Variants in ZNHIT1 observed in about 807,000 individuals in gnomAD.
The protein encoded by ZNHIT1 is zinc finger HIT domain-containing protein 1.
Under a neutral mutation model 21.4 loss-of-function variants are expected in ZNHIT1, and 20 were observed. That is an observed-to-expected ratio of 0.93 (90% CI 0.66 to 1.36). ZNHIT1 has a LOEUF of 1.36. ZNHIT1 is among the 40% of genes most tolerant of loss of function. The pLI, the probability that ZNHIT1 is intolerant of heterozygous loss-of-function variation, is 0.00. For synonymous variants in ZNHIT1, 79 were observed against 84.0 expected, an observed-to-expected ratio of 0.94 and a Z score of 0.32; for missense variants, 170 against 213.5, an observed-to-expected ratio of 0.80 and a Z score of 1.27.
chr7:101,222,577 T>A, intron 1 of ZNHIT1, 27 bp from the exon 2 acceptor site: 1 of 1,596,218 alleles, frequency 6.3e-7, no homozygotes, highest in Non-Finnish European at 8.5e-7. Flanking sequence ...GGAAGCCCTG[T>A]AACTTTGCGT....
In ZNHIT1 at chr7:101,223,997, G is replaced by T. The variant is rs762905700; in HGVS notation, c.*39G>T. 1.2e-6 allele frequency: 2 copies of T among 1,613,898 alleles called. No individual in the cohort carries two copies. The highest frequency in any genetic ancestry group is 2.7e-5 in the African/African-American group (2 of 74,914). On this transcript the variant is annotated 3_prime_UTR_variant, in exon 5 of 5. Coordinates refer to ENST00000305105, the MANE Select transcript of ZNHIT1 (RefSeq NM_006349.3). Reference sequence around the variant, plus strand: ...CAGAGAGGAAGGGCCGCTGTGCACTGCCCGGCCTTCAGAAAGACAGAATTT... The same window carrying T: ...CAGAGAGGAAGGGCCGCTGTGCACTTCCCGGCCTTCAGAAAGACAGAATTT...
chr7:101,223,426 C>G (rs962844729), intron 2 of ZNHIT1, 51 bp from the exon 3 acceptor site: 2 of 1,587,972 alleles, frequency 1.3e-6, no homozygotes, highest in Non-Finnish European at 1.7e-6. Context: ...CCAGAGAAAG[C>G]TGCTGTCTTT....
At chr7:101,223,915 C>T in intron 4 of ZNHIT1, 22 bp from the exon 5 acceptor site, 2 of 1,614,178 alleles carry the variant, frequency 1.2e-6, no homozygotes, top group South Asian at 2.2e-5. Flanking sequence ...TCCCCTCATC[C>T]TGGCTTCCCC....
intron 1 of ZNHIT1, 88 bp downstream of exon 1, chr7:101,218,305 G>T (rs751772538): frequency 1.6e-5 from 24 of 1,476,186 alleles, no homozygotes; most frequent in Middle Eastern, 1.8e-4. Flanking sequence ...TTTTGGTCTC[G>T]CTCTTTCGCC....
intron 1 of ZNHIT1, chr7:101,222,005 G>A (rs1355770212): frequency 6.6e-6 from 1 of 152,562 alleles, no homozygotes; most frequent in Non-Finnish European, 1.5e-5. Flanking sequence ...CTGTGAAGCC[G>A]AGTAGACACA....
intron 1 of ZNHIT1, chr7:101,222,321 C>A: frequency 2.4e-6 from 1 of 424,722 alleles, no homozygotes; most frequent in Non-Finnish European, 4.2e-6. Context: ...CCCCAGTCAG[C>A]AGTGAGCTGT....
At chr7:101,219,019 C>G (rs1183721920) in intron 1 of ZNHIT1, 2 of 152,106 alleles carry the variant, frequency 1.3e-5, no homozygotes, top group Non-Finnish European at 2.9e-5. Context: ...AAGAAAGGAT[C>G]GAAGGCTGGG....
chr7:101,223,778 A>G lies in ZNHIT1; in HGVS notation c.379A>G (p.Thr127Ala), dbSNP rs1198095361. 1 of 1,613,604 alleles carries G rather than the reference A, an allele frequency of 6.2e-7. No homozygotes were observed. The highest frequency in any genetic ancestry group is 8.5e-7 in the Non-Finnish European group (1 of 1,179,876). ...CAVCGFPSPY[T>A]CVSCGARYCT... Reference sequence around the variant, plus strand: ...TGTCTGTGGCTTCCCATCCCCCTACACCTGTGTCAGCTGCGGTGCCCGGTA... The same window carrying G: ...TGTCTGTGGCTTCCCATCCCCCTACGCCTGTGTCAGCTGCGGTGCCCGGTA... The change falls in exon 4 of 5, where the codon ACC becomes GCC. Residue 127 changes from threonine to alanine, a missense_variant. Physicochemically the swap from Thr to Ala is moderately conservative, Grantham distance 58. Transcript: ENST00000305105.
Position 101,218,637 on chromosome 7 carries a change from C to T in ZNHIT1, c.22+420C>T, listed in dbSNP as rs576748294. The T allele has an allele frequency of 2.1e-5, 4 of 193,386 alleles. No individual in the cohort carries two copies. The South Asian group carries it at 5.1e-4, about 25-fold the overall frequency. The allele number at this position is 193,386 out of a possible 1,614,324, so 12.0% of individuals were successfully genotyped here. On this transcript the variant is annotated intron_variant, in intron 1 of 4. Transcript: ENST00000305105. ...GGTCCTGGCGTTGACCCTTCATTCACGTTTTATTGGTGCCTGCTCCAAGCC... is the reference window on the plus strand; with the variant it reads ...GGTCCTGGCGTTGACCCTTCATTCATGTTTTATTGGTGCCTGCTCCAAGCC...
chr7:101,218,180 C>A lies in ZNHIT1; in HGVS notation c.-16C>A, dbSNP rs1292455067. On this transcript the variant is annotated 5_prime_UTR_variant, in exon 1 of 5. Transcript: ENST00000305105. ...ACGCGTGCGCAGCAGTTTCTTCCGA[C>A]AGTTGTGTTGTGCCAATGGTGGAGA... The A allele has an allele frequency of 1.2e-6, 2 of 1,612,606 alleles. No individual in the cohort carries two copies. Among genetic ancestry groups the A allele is most frequent in the African/African-American group, 2.7e-5 (2 of 74,834 alleles).
Position 101,223,539 on chromosome 7 carries a change from G to T in ZNHIT1, c.256G>T (p.Ala86Ser). The T allele has an allele frequency of 6.2e-7, 1 of 1,614,164 alleles. No homozygotes were observed. The highest frequency in any genetic ancestry group is 8.5e-7 in the Non-Finnish European group (1 of 1,180,018). The part of the protein sequence containing the change: ...FKLRFRKNFQ[A>S]LLEEQNLSVA... ...ACTTCGCTTCCGAAAAAACTTTCAG[G>T]CCCTGTTGGAGGAGCAGGTGAGAGG... Residue 86 changes from alanine to serine, a missense_variant, in exon 3 of 5, where the codon GCC (alanine) becomes TCC (serine). Transcript: ENST00000305105.
Position 101,224,151 on chromosome 7 carries a change from G to A in ZNHIT1, c.*193G>A. On this transcript the variant is annotated 3_prime_UTR_variant, in exon 5 of 5. Transcript: ENST00000305105. The stretch of plus-strand genomic sequence containing the variant: ...GGGAACTGTCTGGCAGGTAGGCTGG[G>A]CCCCCCAGTGCTGTTAGAATAAAAA... The A allele has an allele frequency of 1.3e-6, 1 of 782,950 alleles. No individual in the cohort carries two copies. Among genetic ancestry groups the A allele is most frequent in the Non-Finnish European group, 2.0e-6 (1 of 497,760 alleles). 48.5% of individuals were successfully genotyped at this position (782,950 alleles called of 1,614,324 possible).
At chr7:101,220,734 G>A (rs1421167122) in intron 1 of ZNHIT1, 1 of 152,136 alleles carries the variant, frequency 6.6e-6, no homozygotes, top group Non-Finnish European at 1.5e-5. Context: ...CAGCTGATAA[G>A]GCAATGAGGA....
intron 2 of ZNHIT1, 28 bp downstream of exon 2, chr7:101,222,802 G>A: frequency 3.7e-6 from 6 of 1,608,086 alleles, no homozygotes; most frequent in Middle Eastern, 1.7e-4. Context: ...GGAAGCGGGG[G>A]ATGGGACTGA....
At position 101,218,185 on chromosome 7, in the gene ZNHIT1, G is replaced by A. The variant is rs1207901638; in HGVS notation, c.-11G>A. On this transcript the variant is annotated 5_prime_UTR_variant, in exon 1 of 5. The change creates a new upstream start codon in the 5' untranslated region. Coordinates refer to ENST00000305105, the MANE Select transcript of ZNHIT1 (RefSeq NM_006349.3). ...TGCGCAGCAGTTTCTTCCGACAGTT[G>A]TGTTGTGCCAATGGTGGAGAAGAAA... 1 of 1,613,160 alleles carries A rather than the reference G, an allele frequency of 6.2e-7. No individual in the cohort carries two copies. The highest frequency in any genetic ancestry group is 1.3e-5 in the African/African-American group (1 of 74,884).
chr7:101,223,788 G>A lies in ZNHIT1; in HGVS notation c.389G>A (p.Ser130Asn), dbSNP rs774890885. The A allele has an allele frequency of 6.2e-7, 1 of 1,614,198 alleles. No individual in the cohort carries two copies. Among genetic ancestry groups the A allele is most frequent in the African/African-American group, 1.3e-5 (1 of 75,054 alleles). Reference protein sequence around the residue: ...CGFPSPYTCVSCGARYCTVRC... With the variant: ...CGFPSPYTCVNCGARYCTVRC... The stretch of plus-strand genomic sequence containing the variant: ...TTCCCATCCCCCTACACCTGTGTCA[G>A]CTGCGGTGCCCGGTACTGCACTGTG... Residue 130 changes from serine to asparagine, a missense_variant, in exon 4 of 5, where the codon AGC becomes AAC. By Grantham distance (46) the Ser-to-Asn change is conservative. Coordinates refer to ENST00000305105, the MANE Select transcript of ZNHIT1 (RefSeq NM_006349.3).
At chr7:101,223,062 G>T (rs1367555868) in intron 2 of ZNHIT1, among the ~76,000 whole-genome samples, 3 of 152,192 alleles carry the variant, frequency 2.0e-5, no homozygotes, top group Admixed American at 2.0e-4. Context: ...GGCTGGTAGC[G>T]AGGGGCCGAC....
chr7:101,224,055 C>A lies in ZNHIT1; in HGVS notation c.*97C>A. On this transcript the variant is annotated 3_prime_UTR_variant, in exon 5 of 5. Transcript: ENST00000305105. Reference sequence around the variant, plus strand: ...CAATGCAGGGGGAGCTCTTCCTGGACCAAGGGAGGAGCCGCTCATTCACCC... The same window carrying A: ...CAATGCAGGGGGAGCTCTTCCTGGAACAAGGGAGGAGCCGCTCATTCACCC... The A allele has an allele frequency of 6.4e-7, 1 of 1,564,664 alleles. No homozygotes were observed. The highest frequency in any genetic ancestry group is 8.8e-7 in the Non-Finnish European group (1 of 1,140,646).
Position 101,218,298 on chromosome 7 carries a change from T to C in ZNHIT1, c.22+81T>C, listed in dbSNP as rs138796938. On this transcript the variant is annotated intron_variant, in intron 1 of 4. Transcript: ENST00000305105. The stretch of plus-strand genomic sequence containing the variant: ...TTCTTACCTAGTCATTCCTCTTTTT[T>C]GGTCTCGCTCTTTCGCCTAGGCTGG... 2,589 of 1,512,572 alleles carry C rather than the reference T, an allele frequency of 1.7e-3. 34 individuals carry two copies. In the African/African-American group the frequency reaches 0.031, roughly 18 times the overall value. The allele number at this position is 1,512,572 out of a possible 1,614,324, so 93.7% of individuals were successfully genotyped here. A position where few individuals can be genotyped will look rare whatever the true frequency, so the allele number is the denominator to read the frequency against.
Sources: gnomAD v4.1 joint callset for allele counts (sites outside exome capture counted in the v4.1 genomes callset) on GRCh38, gnomAD v4.1.1 for gene constraint, MANE v1.5 for transcripts, NCBI Gene and HGNC (gene_info 2026-07-23, HGNC 2026-07-21) for gene names.